The following FARP1 variants were observed in gnomAD, a reference collection of about 807,000 sequenced individuals.
The protein encoded by FARP1 is FERM, ARHGEF and pleckstrin domain-containing protein 1.
FARP1 carries 52 observed loss-of-function variants against 128.8 expected under a neutral mutation model. The observed-to-expected ratio is 0.40, with a 90% CI of 0.32 to 0.51. The LOEUF (loss-of-function observed/expected upper bound fraction) is 0.51, where lower values mean the gene tolerates loss of function less well. Ranked by LOEUF, FARP1 falls within the 20% of genes least tolerant of loss-of-function variation. FARP1 has a pLI of 0.45. For synonymous variants in FARP1, 580 were observed against 551.8 expected (o/e 1.05, Z -0.72); for missense variants, 1,333 against 1,367.9 (o/e 0.97, Z 0.40).
Position 98,245,745 on chromosome 13 carries a change from C to T in FARP1, c.171+32332C>T, listed in dbSNP as rs552817864. Among the ~76,000 whole-genome samples, 11 of 152,112 alleles carry T rather than the reference C, an allele frequency of 7.2e-5. No homozygotes were observed. The South Asian group carries it at 1.7e-3, about 23-fold the overall frequency. ...CAGCACAGAAAATGCAGAAATGTAT[C>T]CCATTCTTAGGATTTTTGAGATAAA... is the stretch of plus-strand genomic sequence containing the variant. On this transcript the variant is annotated intron_variant, in intron 2 of 26. Transcript: ENST00000319562.
chr13:98,443,798 CG>C (rs1468995912), intron 24 of FARP1, among the ~76,000 whole-genome samples: 2 of 10,358 alleles, frequency 1.9e-4, no homozygotes, highest in Non-Finnish European at 6.9e-4. Context: ...AGTGGCGAGA[CG>C]GGACAGCAGG....
chr13:98,414,556 C>T (rs1891307854), intron 16 of FARP1, among the ~76,000 whole-genome samples: 1 of 152,186 alleles, frequency 6.6e-6, no homozygotes, highest in African/African-American at 2.4e-5. Flanking sequence ...TCAGCATCGG[C>T]TCCTCGTTGA....
intron 2 of FARP1, among the ~76,000 whole-genome samples, chr13:98,338,207 A>T (rs1216094249): frequency 6.6e-6 from 1 of 152,210 alleles, no homozygotes; most frequent in Non-Finnish European, 1.5e-5. Flanking sequence ...GGCACTAAGT[A>T]CATTAAGTAC....
intron 26 of FARP1, chr13:98,447,849 A>AAAAAAAG (rs1237695043): frequency 1.6e-4 from 33 of 209,148 alleles, no homozygotes; most frequent in Admixed American, 1.5e-3. Flanking sequence ...TGTCTCAAAA[A>AAAAAAAG]AAAAAGAAAA....
chr13:98,419,771 G>T (rs185588816), intron 16 of FARP1, among the ~76,000 whole-genome samples: 23 of 152,134 alleles, frequency 1.5e-4, no homozygotes, highest in Non-Finnish European at 2.8e-4. Flanking sequence ...ATCTATTTTC[G>T]GGGTGGAGCA....
intron 1 of FARP1, among the ~76,000 whole-genome samples, chr13:98,191,511 C>T (rs961257348): frequency 2.0e-5 from 3 of 152,076 alleles, no homozygotes; most frequent in African/African-American, 7.3e-5. Flanking sequence ...GGAATATAAA[C>T]CTGTTCATAC....
chr13:98,440,647 C>T lies in FARP1; in HGVS notation c.2630-23C>T, dbSNP rs371510294. 37 of 1,594,436 alleles carry T rather than the reference C, an allele frequency of 2.3e-5. No homozygotes were observed. The African/African-American group carries it at 3.9e-4, about 17-fold the overall frequency. ...GCGCTGGGAGGAAAGATCAGAAGTGCTGCCTTTTGCCCCATCCTGTAGAGT... is the reference window on the plus strand; with the variant it reads ...GCGCTGGGAGGAAAGATCAGAAGTGTTGCCTTTTGCCCCATCCTGTAGAGT... On this transcript the variant is annotated intron_variant, in intron 23 of 26. Transcript: ENST00000319562.
intron 19 of FARP1, chr13:98,437,731 C>T (rs1324375754): frequency 8.6e-6 from 9 of 1,043,456 alleles, no homozygotes; most frequent in East Asian, 4.7e-5. Flanking sequence ...ATAGCTTCTC[C>T]GCTTTGTCTT....
At position 98,411,419 on chromosome 13, in the gene FARP1, C is replaced by T. The variant is rs575051264; in HGVS notation, c.1693-482C>T. 9.2e-5 allele frequency among the ~76,000 whole-genome samples: 14 copies of T among 152,242 alleles called. No individual in the cohort carries two copies. The South Asian group carries it at 2.5e-3, about 27-fold the overall frequency. On this transcript the variant is annotated intron_variant, in intron 15 of 26. Coordinates refer to ENST00000319562, the MANE Select transcript of FARP1 (RefSeq NM_005766.4). Reference sequence around the variant, plus strand: ...AGGCCCTTGACAGGTGCTCGCTAAGCGTTGTGAACCCAGCTCACCTCAGCG... The same window carrying T: ...AGGCCCTTGACAGGTGCTCGCTAAGTGTTGTGAACCCAGCTCACCTCAGCG...
chr13:98,404,879 A>C (rs1314831340), intron 13 of FARP1: 2 of 152,228 alleles, frequency 1.3e-5, no homozygotes, highest in African/African-American at 4.8e-5. Context: ...TTCAATAAGC[A>C]TATCTTGGAT....
chr13:98,263,152 G>A (rs1883958062), intron 2 of FARP1, among the ~76,000 whole-genome samples: 1 of 152,024 alleles, frequency 6.6e-6, no homozygotes, highest in African/African-American at 2.4e-5. Flanking sequence ...GGGATTACAT[G>A]CTGTGCCACC....
intron 2 of FARP1, among the ~76,000 whole-genome samples, chr13:98,318,024 T>A (rs1408609344): frequency 6.7e-6 from 1 of 149,232 alleles, no homozygotes; most frequent in Non-Finnish European, 1.5e-5. Flanking sequence ...CATCTCCTTC[T>A]TCCTCCTCCT....
At chr13:98,365,312 A>T in intron 3 of FARP1, 83 bp from the exon 4 acceptor site, 1 of 1,082,124 alleles carries the variant, frequency 9.2e-7, no homozygotes, top group Non-Finnish European at 1.4e-6. Context: ...TTTTGATTTT[A>T]AACAGCTTTA....
chr13:98,369,800 G>A (rs633487), intron 5 of FARP1, among the ~76,000 whole-genome samples: 81,112 of 151,958 alleles, frequency 0.53, 22,534 homozygotes, highest in Non-Finnish European at 0.6. Context: ...CCTAATTCTT[G>A]TCATACATGG....
At chr13:98,446,984 A>G (rs758668833) in intron 26 of FARP1, 167 bp downstream of exon 26, 262 of 686,094 alleles carry the variant, frequency 3.8e-4, no homozygotes, top group Non-Finnish European at 5.7e-4. Context: ...TTCTGTTCTC[A>G]TGGCAGAAAG....
chr13:98,239,375 C>G (rs1177819848), intron 2 of FARP1, among the ~76,000 whole-genome samples: 2 of 152,252 alleles, frequency 1.3e-5, no homozygotes, highest in African/African-American at 2.4e-5. Context: ...TTATTGCGTG[C>G]TTGCAATTGG....
At chr13:98,433,978 G>C (rs1892147109) in intron 18 of FARP1, 1 of 152,364 alleles carries the variant, frequency 6.6e-6, no homozygotes. Flanking sequence ...TGTCGCCCAT[G>C]GGGGTGAGAG....
chr13:98,186,125 G>A (rs1285933297), intron 1 of FARP1, among the ~76,000 whole-genome samples: 1 of 151,170 alleles, frequency 6.6e-6, no homozygotes, highest in Non-Finnish European at 1.5e-5. Flanking sequence ...TTTTTGAAAC[G>A]GAGTTTCGCT....
rs2139108612 is a variant in FARP1, at chr13:98,438,965, C to T, written c.2343+93C>T. 7 of 1,465,384 alleles carry T rather than the reference C, an allele frequency of 4.8e-6. No individual in the cohort carries two copies. The East Asian group carries it at 1.6e-4, about 33-fold the overall frequency. The allele number at this position is 1,465,384 out of a possible 1,614,324, so 90.8% of individuals were successfully genotyped here. On this transcript the variant is annotated intron_variant, in intron 20 of 26. Coordinates refer to ENST00000319562, the MANE Select transcript of FARP1 (RefSeq NM_005766.4). ...GGACCTCGGCCACCCAAGTGAGGGA[C>T]CTGGGGTAGAGGAAGAGCAGCCAGA...
Sources: gnomAD v4.1 joint callset for allele counts (sites outside exome capture counted in the v4.1 genomes callset) on GRCh38, gnomAD v4.1.1 for gene constraint, MANE v1.5 for transcripts, NCBI Gene and HGNC (gene_info 2026-07-23, HGNC 2026-07-21) for gene names.